DHRSX: variants seen among roughly 807,000 people sequenced by gnomAD.
DHRSX encodes the protein dehydrogenase/reductase X-linked, also known as polyprenol dehydrogenase.
Under a neutral mutation model 34.0 loss-of-function variants are expected in DHRSX, and 31 were observed. The ratio of observed to expected loss-of-function variants is 0.91; its 90% confidence interval spans 0.69 to 1.23. The LOEUF (loss-of-function observed/expected upper bound fraction) is 1.23. DHRSX is among the 50% of genes most tolerant of loss of function. DHRSX has a pLI of 0.00. For missense variants in DHRSX, 414 were observed against 428.1 expected (o/e 0.97, Z 0.29); for synonymous variants, 201 against 183.8 (o/e 1.09, Z -0.76).
intron 1 of DHRSX, chrX:2,489,516 G>T: frequency 6.2e-7 from 1 of 1,613,118 alleles, no homozygotes; most frequent in Admixed American, 1.7e-5. Context: ...TTGAAGGGCT[G>T]CAGGAGCTCC....
intron 3 of DHRSX, among the ~76,000 whole-genome samples, chrX:2,372,150 C>G (rs1425414538): frequency 6.6e-6 from 1 of 152,136 alleles, no homozygotes; most frequent in Non-Finnish European, 1.5e-5. Context: ...GGGCTACTTA[C>G]TAAGGTGAAG....
intron 3 of DHRSX, among the ~76,000 whole-genome samples, chrX:2,349,574 C>G (rs898063207): frequency 7.5e-5 from 11 of 147,232 alleles, no homozygotes; most frequent in Non-Finnish European, 1.2e-4. Flanking sequence ...GTAATCTCAG[C>G]TACTTGGGAG....
At chrX:2,425,845 G>A (rs1307959715) in intron 1 of DHRSX, among the ~76,000 whole-genome samples, 1 of 152,140 alleles carries the variant, frequency 6.6e-6, no homozygotes, top group African/African-American at 2.4e-5. Context: ...TGGTCAGGTG[G>A]GAAGACAAAG....
chrX:2,385,944 G>A lies in DHRSX; in HGVS notation c.286+22801C>T, dbSNP rs138254448. Among the ~76,000 whole-genome samples, 1,217 of 152,092 alleles carry A rather than the reference G, an allele frequency of 8.0e-3. 32 individuals are homozygous for A. The East Asian group carries it at 0.093, about 12-fold the overall frequency. Reference sequence around the variant, plus strand: ...AAATACTACACACCTTAGGATTTGTGGGCCATAAGGTCTCTGTTGCAACTC... The same window carrying A: ...AAATACTACACACCTTAGGATTTGTAGGCCATAAGGTCTCTGTTGCAACTC... On this transcript the variant is annotated intron_variant, in intron 3 of 6. Coordinates refer to ENST00000334651, the MANE Select transcript of DHRSX (RefSeq NM_145177.3).
intron 3 of DHRSX, among the ~76,000 whole-genome samples, chrX:2,311,380 T>C (rs2042163818): frequency 1.3e-5 from 2 of 152,136 alleles, no homozygotes; most frequent in Admixed American, 1.3e-4. Flanking sequence ...GATACATCAC[T>C]ACGAGAGAAC....
intron 1 of DHRSX, among the ~76,000 whole-genome samples, chrX:2,439,254 A>C (rs1399557104): frequency 6.6e-6 from 1 of 152,204 alleles, no homozygotes; most frequent in Admixed American, 6.5e-5. Context: ...TTTCAGGAAA[A>C]GACTGATCTA....
intron 4 of DHRSX, among the ~76,000 whole-genome samples, chrX:2,269,622 C>T (rs2041522716): frequency 6.6e-6 from 1 of 152,112 alleles, no homozygotes; most frequent in African/African-American, 2.4e-5. Flanking sequence ...CTGCAACCTC[C>T]GCCTCCCAGG....
chrX:2,499,966 C>G (rs2045375265), intron 1 of DHRSX, among the ~76,000 whole-genome samples: 1 of 152,106 alleles, frequency 6.6e-6, no homozygotes, highest in South Asian at 2.1e-4. Flanking sequence ...CTGCTTGAGC[C>G]CAGGAGTTCG....
At chrX:2,333,431 T>C (rs2042508118) in intron 3 of DHRSX, among the ~76,000 whole-genome samples, 1 of 152,108 alleles carries the variant, frequency 6.6e-6, no homozygotes. Context: ...TGATATGCAG[T>C]AGAGACAGAG....
At chrX:2,270,290 C>A (rs867176468) in intron 4 of DHRSX, among the ~76,000 whole-genome samples, 4 of 152,184 alleles carry the variant, frequency 2.6e-5, no homozygotes, top group African/African-American at 9.6e-5. Context: ...TCCCAAAGAA[C>A]CAAGCAGGAG....
At chrX:2,490,959 CTCTT>C (rs1364111793) in intron 1 of DHRSX, among the ~76,000 whole-genome samples, 2 of 152,220 alleles carry the variant, frequency 1.3e-5, no homozygotes, top group African/African-American at 4.8e-5. Flanking sequence ...CAGGAATACG[CTCTT>C]TCTTCCACGT....
rs781737567 is a variant in DHRSX at position 2,466,800 on chromosome X, G to A, written c.109+34017C>T. Among the ~76,000 whole-genome samples, 10 of 152,130 alleles carry A rather than the reference G, an allele frequency of 6.6e-5. No individual in the cohort carries two copies. The South Asian group carries it at 8.3e-4, about 13-fold the overall frequency. Reference sequence around the variant, plus strand: ...AAAGTGAAAAAAGTAGGCTGGGGGCGGTGATTCATAATCCCAGCCCTTTGG... The same window carrying A: ...AAAGTGAAAAAAGTAGGCTGGGGGCAGTGATTCATAATCCCAGCCCTTTGG... On this transcript the variant is annotated intron_variant, in intron 1 of 6. Coordinates refer to ENST00000334651, the MANE Select transcript of DHRSX (RefSeq NM_145177.3).
intron 3 of DHRSX, among the ~76,000 whole-genome samples, chrX:2,321,278 A>G (rs1025094025): frequency 1.3e-5 from 2 of 152,174 alleles, no homozygotes; most frequent in African/African-American, 4.8e-5. Context: ...TCCATTGCAG[A>G]CAGGACATCG....
chrX:2,251,843 G>A (rs141420945), intron 5 of DHRSX, among the ~76,000 whole-genome samples: 1 of 152,228 alleles, frequency 6.6e-6, no homozygotes, highest in Non-Finnish European at 1.5e-5. Context: ...GGGGTCCTTA[G>A]CCATGGAGAC....
chrX:2,404,779 T>C (rs924026322), intron 3 of DHRSX, among the ~76,000 whole-genome samples: 1 of 152,146 alleles, frequency 6.6e-6, no homozygotes, highest in African/African-American at 2.4e-5. Context: ...AAACTCTTTG[T>C]TCAAAACTCG....
chrX:2,493,092 G>C (rs1193009555), intron 1 of DHRSX, among the ~76,000 whole-genome samples: 2 of 152,220 alleles, frequency 1.3e-5, no homozygotes, highest in Non-Finnish European at 2.9e-5. Flanking sequence ...GGTGCAAGGA[G>C]GGGGGTCCTG....
intron 3 of DHRSX, among the ~76,000 whole-genome samples, chrX:2,366,642 G>A (rs1416570307): frequency 2.6e-5 from 4 of 152,044 alleles, no homozygotes; most frequent in Non-Finnish European, 5.9e-5. Flanking sequence ...CCATCAGCCA[G>A]GCTGAAGAGC....
chrX:2,375,927 G>A (rs1371118381), intron 3 of DHRSX, among the ~76,000 whole-genome samples: 2 of 136,454 alleles, frequency 1.5e-5, no homozygotes, highest in African/African-American at 5.0e-5. Flanking sequence ...CACTGCACCC[G>A]GCCGGCTCAG....
intron 2 of DHRSX, among the ~76,000 whole-genome samples, chrX:2,419,979 T>TA (rs910250230): frequency 6.6e-6 from 1 of 151,494 alleles, no homozygotes; most frequent in Non-Finnish European, 1.5e-5. Flanking sequence ...AATAAAATTT[T>TA]AAAAAAAAAG....
Sources: gnomAD v4.1 joint callset for allele counts (sites outside exome capture counted in the v4.1 genomes callset) on GRCh38, gnomAD v4.1.1 for gene constraint, MANE v1.5 for transcripts, NCBI Gene and HGNC (gene_info 2026-07-23, HGNC 2026-07-21) for gene names.